JADE3: variants seen among roughly 807,000 people sequenced by gnomAD.
JADE3 encodes protein Jade-3.
Under a neutral mutation model 50.1 loss-of-function variants are expected in JADE3, and 2 were observed. The observed-to-expected ratio is 0.04, with a 90% CI of 0.02 to 0.13. JADE3 has a LOEUF of 0.13. Among genes scored for constraint, JADE3 ranks in the 10% least tolerant of loss-of-function variants. JADE3 has a pLI of 1.00. For synonymous variants in JADE3, 218 were observed against 232.9 expected (o/e 0.94, Z 0.58); for missense variants, 475 against 634.4 (o/e 0.75, Z 2.70).
At chrX:47,015,946 G>A (rs1928666258) in intron 4 of JADE3, among the ~76,000 whole-genome samples, 1 of 110,656 alleles carries the variant, frequency 9.0e-6, no homozygotes, top group South Asian at 3.9e-4. Flanking sequence ...TCCAATGTGG[G>A]TTTGAATGTG....
intron 1 of JADE3, among the ~76,000 whole-genome samples, chrX:46,924,844 T>G (rs1176312090): frequency 8.9e-6 from 1 of 112,492 alleles, no homozygotes; most frequent in African/African-American, 3.2e-5. Flanking sequence ...AATTAGAGCA[T>G]GATTTTATCT....
intron 1 of JADE3, among the ~76,000 whole-genome samples, chrX:46,959,525 G>A (rs782467212): frequency 1.8e-5 from 2 of 112,001 alleles, no homozygotes; most frequent in Non-Finnish European, 3.8e-5. Flanking sequence ...TAAGGAAATG[G>A]ACTTTAATGT....
intron 4 of JADE3, among the ~76,000 whole-genome samples, chrX:46,998,863 T>A (rs1371165489): frequency 9.1e-6 from 1 of 109,852 alleles, no homozygotes; most frequent in Non-Finnish European, 1.9e-5. Context: ...CAGCTAATTT[T>A]TTTGGTATTT....
At chrX:47,012,631 T>TTG (rs1928586246) in intron 4 of JADE3, among the ~76,000 whole-genome samples, 1 of 110,259 alleles carries the variant, frequency 9.1e-6, no homozygotes, top group African/African-American at 3.3e-5. Flanking sequence ...TGTTTTTTTT[T>TTG]TTGTTGTTGT....
In JADE3 at chrX:46,923,393, C is replaced by CTTTTTTTTTTTTTTTTTTTTTTT. The variant is rs782555482; in HGVS notation, c.-12+10680_-12+10702dup. Among the ~76,000 whole-genome samples, 5 of 11,522 alleles carry CTTTTTTTTTTTTTTTTTTTTTTT rather than the reference C, an allele frequency of 4.3e-4. 1 individual carries two copies. Among genetic ancestry groups the CTTTTTTTTTTTTTTTTTTTTTTT allele is most frequent in the East Asian group, 3.6e-3 (1 of 276 alleles). The allele number at this position is 11,522 out of a possible 115,157, so 10.0% of individuals were successfully genotyped here. ...ATTTCTTTTCTCTCTCTCTCTCTCTCTTTTTTTTTTTTTTTTTTTTTTTTT... is the reference window on the plus strand; with the variant it reads ...ATTTCTTTTCTCTCTCTCTCTCTCTCTTTTTTTTTTTTTTTTTTTTTTTTTTTTTTTTTTTTTTTTTTTTTTTT... On this transcript the variant is annotated intron_variant, in intron 1 of 10. Coordinates refer to ENST00000614628, the MANE Select transcript of JADE3 (RefSeq NM_014735.5).
intron 4 of JADE3, among the ~76,000 whole-genome samples, chrX:47,008,102 A>G (rs781803884): frequency 5.4e-5 from 6 of 111,971 alleles, no homozygotes; most frequent in African/African-American, 1.9e-4. Context: ...TGAATCAAAG[A>G]TGAATAGAGT....
intron 1 of JADE3, among the ~76,000 whole-genome samples, chrX:46,971,842 TA>T (rs1927505411): frequency 1.9e-5 from 2 of 107,547 alleles, no homozygotes; most frequent in Non-Finnish European, 3.8e-5. Flanking sequence ...TAGAAAGGGC[TA>T]GCACCATTAA....
chrX:47,010,083 G>A (rs1928524259), intron 4 of JADE3, among the ~76,000 whole-genome samples: 1 of 111,336 alleles, frequency 9.0e-6, no homozygotes, highest in African/African-American at 3.3e-5. Context: ...CAAAATAGGG[G>A]AATGGGAGGT....
intron 1 of JADE3, among the ~76,000 whole-genome samples, chrX:46,916,391 G>T (rs1160114768): frequency 8.9e-6 from 1 of 111,822 alleles, no homozygotes; most frequent in African/African-American, 3.3e-5. Flanking sequence ...AGGGCATCCT[G>T]TCCTGAACAG....
intron 1 of JADE3, among the ~76,000 whole-genome samples, chrX:46,961,959 C>CGAGCACACA (rs1431515797): frequency 2.7e-5 from 3 of 112,398 alleles, no homozygotes; most frequent in Non-Finnish European, 5.6e-5. Context: ...AAGACCCACA[C>CGAGCACACA]GAGCACACAA....
rs1556372993 is a variant in JADE3, at chrX:47,054,575, A to G, written c.1390A>G (p.Ser464Gly). Residue 464 changes from serine (S) to glycine (G), a missense_variant, in exon 9 of 11, where the codon AGC becomes GGC. Ser to Gly is a moderately conservative substitution (Grantham distance 56). Around this residue, in one of 6 missense-constraint regions of JADE3, gnomAD observed 81 missense variants for 123.8 expected, o/e 0.65. Coordinates refer to ENST00000614628, the MANE Select transcript of JADE3 (RefSeq NM_014735.5). Reference protein sequence around the residue: ...ENGLVQPKEESIHTRMRMFMH... With the variant: ...ENGLVQPKEEGIHTRMRMFMH... The stretch of plus-strand genomic sequence containing the variant: ...TGGGCTGGTGCAGCCAAAAGAGGAA[A>G]GCATTCACACTCGAATGAGAATGTT... 9.1e-6 allele frequency: 11 copies of G among 1,210,061 alleles called. No homozygotes were observed. The highest frequency in any genetic ancestry group is 8.9e-6 in the Non-Finnish European group (8 of 894,634).
chrX:46,971,406 G>A (rs1328339457), intron 1 of JADE3, among the ~76,000 whole-genome samples: 9 of 108,542 alleles, frequency 8.3e-5, no homozygotes, highest in South Asian at 8.4e-4. Flanking sequence ...GTAAGCCCCC[G>A]TGCCCAGCTG....
At chrX:46,962,489 A>G (rs1305637398) in intron 1 of JADE3, among the ~76,000 whole-genome samples, 1 of 111,614 alleles carries the variant, frequency 9.0e-6, no homozygotes, top group African/African-American at 3.3e-5. Flanking sequence ...GAGAGACCTA[A>G]TACTCCACTG....
intron 2 of JADE3, among the ~76,000 whole-genome samples, 199 bp downstream of exon 2, chrX:46,985,139 A>G: frequency 8.9e-6 from 1 of 112,094 alleles, no homozygotes; most frequent in Non-Finnish European, 1.9e-5. Context: ...TGTGTGGCAT[A>G]TAACTTTTCA....
chrX:46,994,027 A>G (rs960014180), intron 3 of JADE3, among the ~76,000 whole-genome samples: 11 of 111,935 alleles, frequency 9.8e-5, no homozygotes, highest in African/African-American at 2.9e-4. Context: ...AAATTGTTCA[A>G]TCTCTCTGCT....
In JADE3 at chrX:46,984,953, G is replaced by A. The variant is rs781784470; in HGVS notation, c.46+13G>A. 41 of 1,184,512 alleles carry A rather than the reference G, an allele frequency of 3.5e-5. No homozygotes were observed. The highest frequency in any genetic ancestry group is 5.3e-5 in the South Asian group (3 of 56,100). ...AGTTCAGACGAAAGTGAGTAGAACCGGCTGGCAGCTGGTAACCTTTCTATC... is the reference window on the plus strand; with the variant it reads ...AGTTCAGACGAAAGTGAGTAGAACCAGCTGGCAGCTGGTAACCTTTCTATC... On this transcript the variant is annotated intron_variant, in intron 2 of 10. Transcript: ENST00000614628.
chrX:46,913,902 G>A (rs1480499755), intron 1 of JADE3, among the ~76,000 whole-genome samples: 2 of 110,531 alleles, frequency 1.8e-5, no homozygotes, highest in African/African-American at 6.6e-5. Context: ...TTGTGTGTGT[G>A]TGCCGTGAGG....
chrX:47,039,966 T>A (rs1929221259), intron 8 of JADE3, among the ~76,000 whole-genome samples: 1 of 111,755 alleles, frequency 8.9e-6, no homozygotes, highest in South Asian at 3.7e-4. Context: ...AATGTTTAGC[T>A]CCACTTATAA....
At chrX:46,938,377 T>C (rs1602376318) in intron 1 of JADE3, among the ~76,000 whole-genome samples, 1 of 111,766 alleles carries the variant, frequency 8.9e-6, no homozygotes, top group East Asian at 2.8e-4. Flanking sequence ...ATAATATACA[T>C]AGTTTTATAC....
Sources: gnomAD v4.1 joint callset for allele counts (sites outside exome capture counted in the v4.1 genomes callset) on GRCh38, gnomAD v4.1.1 for gene constraint, gnomAD v4.1.1 regional missense constraint, MANE v1.5 for transcripts, NCBI Gene and HGNC (gene_info 2026-07-23, HGNC 2026-07-21) for gene names.